CROCC: variants seen among roughly 807,000 people sequenced by gnomAD.
The protein encoded by CROCC is ciliary rootlet coiled-coil, rootletin.
CROCC carries 180 observed loss-of-function variants against 245.2 expected under a neutral mutation model. That is an observed-to-expected ratio of 0.73 (90% CI 0.65 to 0.83). The LOEUF (loss-of-function observed/expected upper bound fraction) is 0.83, where lower values mean the gene tolerates loss of function less well. CROCC is among the 40% of genes least tolerant of loss of function. The pLI is 0.00. For missense variants in CROCC, 2,688 were observed against 2,779.4 expected (o/e 0.97, Z 0.74); for synonymous variants, 1,205 against 1,241.6 (o/e 0.97, Z 0.62).
chr1:16,958,502 T>C (rs1354598366), intron 25 of CROCC, 81 bp from the exon 26 acceptor site: 1 of 1,492,906 alleles, frequency 6.7e-7, no homozygotes, highest in East Asian at 2.5e-5. Context: ...CCTACAGCAG[T>C]AGGTACCAAG....
Position 16,954,952 on chromosome 1 carries a change from G to A in CROCC, c.3465+75G>A. 2 of 1,422,080 alleles carry A rather than the reference G, an allele frequency of 1.4e-6. No homozygotes were observed. The highest frequency in any genetic ancestry group is 3.0e-5 in the South Asian group (2 of 67,578). The allele number at this position is 1,422,080 out of a possible 1,614,324, so 88.1% of individuals were successfully genotyped here. ...GTGCCTGGGGGCCTAGTTCCCCAGG[G>A]CCCCAGAAGAGTGTAAGATTCCTCC... On this transcript the variant is annotated intron_variant, in intron 23 of 36. Transcript: ENST00000375541. This position sits in a 1 kb window ranked among gnomAD's most constrained non-coding sequence, Gnocchi z 4.4.
At chr1:16,946,433 G>T in intron 16 of CROCC, 28 bp downstream of exon 16, 2 of 1,601,870 alleles carry the variant, frequency 1.2e-6, no homozygotes, top group Non-Finnish European at 1.7e-6. Context: ...GGGCCCACCT[G>T]CCTTGCCCAC....
Position 16,938,919 on chromosome 1 carries a change from CAGACTCTG to C in CROCC, c.1389_1396del (p.Asp463GlufsTer9), listed in dbSNP as rs1557599454. ...CTCCCCCACCCTCAGGCCGTCTTGT[CAGACTCTG>C]AGAGCGGCGTCCAGCTGAGCGGCTC... On this transcript the variant is annotated frameshift_variant, in exon 12 of 37. Transcript: ENST00000375541. LOFTEE classifies it high-confidence loss of function. The C allele has an allele frequency of 6.2e-7, 1 of 1,603,832 alleles. No homozygotes were observed.
At position 16,972,524 on chromosome 1, in the gene CROCC, G is replaced by A; in HGVS notation, c.*78G>A. On this transcript the variant is annotated 3_prime_UTR_variant, in exon 37 of 37. Coordinates refer to ENST00000375541, the MANE Select transcript of CROCC (RefSeq NM_014675.5). The stretch of plus-strand genomic sequence containing the variant: ...TTCTTTTGGACAGCCCCCCCACCCA[G>A]AGCCCGGTCCCTTGGGGGCCTCAAG... The A allele has an allele frequency of 5.6e-6, 5 of 891,046 alleles. No individual in the cohort carries two copies. The highest frequency in any genetic ancestry group is 8.3e-6 in the Non-Finnish European group (5 of 602,984). 55.2% of individuals were successfully genotyped at this position (891,046 alleles called of 1,614,324 possible).
Position 16,929,996 on chromosome 1 carries a change from C to T in CROCC, c.502C>T (p.Arg168Trp), listed in dbSNP as rs373118266. The T allele has an allele frequency of 1.2e-4, 196 of 1,584,350 alleles. No individual in the cohort carries two copies. The African/African-American group carries it at 2.0e-3, about 16-fold the overall frequency. ...KLQAYQEGQQ[R>W]QAQLVQRLQG... ...GCAGGCCTACCAGGAGGGCCAGCAG[C>T]GGCAGGCCCAGCTTGTGCAGCGGCT... Residue 168 changes from arginine to tryptophan, a missense_variant, in exon 4 of 37, where the codon CGG becomes TGG. By Grantham distance (101) the Arg-to-Trp change is moderately radical. Coordinates refer to ENST00000375541, the MANE Select transcript of CROCC (RefSeq NM_014675.5).
chr1:16,929,897 AG>A lies in CROCC; in HGVS notation c.408del (p.Leu137TrpfsTer70). 5 of 1,587,778 alleles carry A rather than the reference AG, an allele frequency of 3.1e-6. No homozygotes were observed. Among genetic ancestry groups the A allele is most frequent in the Non-Finnish European group, 4.3e-6 (5 of 1,170,602 alleles). On this transcript the variant is annotated frameshift_variant, in exon 4 of 37. Transcript: ENST00000375541. LOFTEE classifies it high-confidence loss of function. ...TGGGGAGCTGGAGACGCAGGAGCCC[AG>A]GGGGCTGGTACGGCAGAGCGTGGAG... ...EPGELETQEP[R>X]GLVRQSVELR...
At chr1:16,921,095 G>A (rs1171058742), upstream of CROCC, among the ~76,000 whole-genome samples, 3 of 152,282 alleles carry the variant, frequency 2.0e-5, no homozygotes, top group Non-Finnish European at 1.5e-5. Context: ...TTTCTTGAGT[G>A]TTGGCCACGT....
chr1:16,929,875 G>T lies in CROCC; in HGVS notation c.381G>T (p.Gly127=), dbSNP rs12409496. The T allele has an allele frequency of 4.4e-6, 7 of 1,579,670 alleles. No homozygotes were observed. The highest frequency in any genetic ancestry group is 5.1e-6 in the Non-Finnish European group (6 of 1,166,640). Residue 127 remains glycine, a synonymous_variant, in exon 4 of 37, where the codon GGG becomes GGT. Transcript: ENST00000375541. ...RLEQALRLEP[G]ELETQEPRGL... is the part of the protein sequence containing the mutation. ...AGCAGGCTCTGCGGCTGGAGCCTGG[G>T]GAGCTGGAGACGCAGGAGCCCAGGG...
chr1:16,948,142 T>C (rs1257696154), intron 17 of CROCC, among the ~76,000 whole-genome samples, 189 bp from the exon 18 acceptor site: 2 of 152,286 alleles, frequency 1.3e-5, no homozygotes, highest in African/African-American at 4.8e-5. Context: ...CCCTGGTTTT[T>C]GTACACACGT....
chr1:16,938,984 C>T lies in CROCC; in HGVS notation c.1450C>T (p.Leu484=). 1.2e-6 allele frequency: 2 copies of T among 1,604,874 alleles called. No individual in the cohort carries two copies. Among genetic ancestry groups the T allele is most frequent in the African/African-American group, 1.3e-5 (1 of 74,554 alleles). The change falls in exon 12 of 37, where the codon CTG becomes TTG. Residue 484 remains leucine, a synonymous_variant. Transcript: ENST00000375541. Reference sequence around the variant, plus strand: ...CACCGCGGATGCTTCCAACGGCAGCCTGCGGGGGCTCTCGGGCCAGCGGAC... The same window carrying T: ...CACCGCGGATGCTTCCAACGGCAGCTTGCGGGGGCTCTCGGGCCAGCGGAC... ...ERTADASNGS[L]RGLSGQRTPS...
intron 8 of CROCC, among the ~76,000 whole-genome samples, chr1:16,932,224 A>G (rs1386402665): frequency 6.6e-6 from 1 of 152,232 alleles, no homozygotes; most frequent in Non-Finnish European, 1.5e-5. Context: ...CGGGTGGATC[A>G]CCTGAGGTTA....
chr1:16,970,294 C>A lies in CROCC; in HGVS notation c.5493C>A (p.Asn1831Lys). 5 of 1,582,166 alleles carry A rather than the reference C, an allele frequency of 3.2e-6. No homozygotes were observed. The highest frequency in any genetic ancestry group is 1.3e-5 in the African/African-American group (1 of 74,384). ...AGGAGGGTGAGGCTGCAGCCCTGAACACCGTCCAGAAGCTGCAAGACGAGC... is the reference window on the plus strand; with the variant it reads ...AGGAGGGTGAGGCTGCAGCCCTGAAAACCGTCCAGAAGCTGCAAGACGAGC... ...QRQEGEAAAL[N>K]TVQKLQDERR... The change falls in exon 34 of 37, where the codon AAC (asparagine) becomes AAA (lysine). Residue 1831 changes from asparagine to lysine, a missense_variant. Coordinates refer to ENST00000375541, the MANE Select transcript of CROCC (RefSeq NM_014675.5).
At chr1:16,963,393 A>G (rs557731522) in intron 27 of CROCC, among the ~76,000 whole-genome samples, 140 of 152,012 alleles carry the variant, frequency 9.2e-4, no homozygotes, top group Non-Finnish European at 1.1e-3. Context: ...CAGAGCATCA[A>G]GCAGGGGGGT....
chr1:16,938,811 A>T, intron 11 of CROCC, 98 bp from the exon 12 acceptor site: 1 of 1,206,634 alleles, frequency 8.3e-7, no homozygotes, highest in Non-Finnish European at 1.2e-6. Flanking sequence ...CAGCATTTGG[A>T]ATGAGGCAGC....
intron 26 of CROCC, among the ~76,000 whole-genome samples, chr1:16,959,215 G>A (rs1410873028): frequency 6.6e-6 from 1 of 151,998 alleles, no homozygotes; most frequent in African/African-American, 2.4e-5. Flanking sequence ...GTAGAGACAG[G>A]ATTTCACCAT....
At chr1:16,931,950 A>G (rs1384967607) in intron 8 of CROCC, among the ~76,000 whole-genome samples, 2 of 150,444 alleles carry the variant, frequency 1.3e-5, no homozygotes, top group Non-Finnish European at 3.0e-5. Flanking sequence ...GTATTTTAGT[A>G]GAGACGGGGT....
chr1:16,924,556 C>T (rs1449259753), intron 3 of CROCC, 77 bp downstream of exon 3: 1 of 1,548,118 alleles, frequency 6.5e-7, no homozygotes, highest in Admixed American at 1.8e-5. Context: ...ACCAGGCCCA[C>T]ACACGGGGCA....
upstream of CROCC, among the ~76,000 whole-genome samples, chr1:16,918,429 C>T (rs1431799121): frequency 2.0e-5 from 3 of 151,572 alleles, no homozygotes; most frequent in African/African-American, 4.8e-5. Flanking sequence ...GGGATGGAGC[C>T]AAGGGTGAAT....
At chr1:16,971,815 G>C (rs1295382118) in intron 36 of CROCC, among the ~76,000 whole-genome samples, 168 bp downstream of exon 36, 1 of 152,186 alleles carries the variant, frequency 6.6e-6, no homozygotes, top group Non-Finnish European at 1.5e-5. Flanking sequence ...CGGGGCCACG[G>C]GATGCTCCTG....
Sources: gnomAD v4.1 joint callset for allele counts (sites outside exome capture counted in the v4.1 genomes callset) on GRCh38, gnomAD v4.1.1 for gene constraint, Gnocchi (gnomAD v3.1) non-coding constraint, MANE v1.5 for transcripts, NCBI Gene and HGNC (gene_info 2026-07-23, HGNC 2026-07-21) for gene names.